The following LRRC8D variants were observed in gnomAD, a reference collection of about 807,000 sequenced individuals.
LRRC8D encodes volume-regulated anion channel subunit LRRC8D.
A neutral mutation model predicts 55.8 loss-of-function variants in LRRC8D; 20 were observed. The ratio of observed to expected loss-of-function variants is 0.36; its 90% CI spans 0.25 to 0.52. The LOEUF (loss-of-function observed/expected upper bound fraction) is 0.52, where lower values mean the gene tolerates loss of function less well. LRRC8D is among the 20% of genes least tolerant of loss of function. The probability of loss-of-function intolerance (pLI) is 0.93; values close to 1 mark genes in which losing one functional copy is unlikely to be tolerated. For missense variants in LRRC8D, 651 were observed against 1,030.8 expected (o/e 0.63, Z 5.05); for synonymous variants, 352 against 377.0 (o/e 0.93, Z 0.77).
At chr1:89,849,859 G>A (rs1661368193) in intron 2 of LRRC8D, among the ~76,000 whole-genome samples, 1 of 152,062 alleles carries the variant, frequency 6.6e-6, no homozygotes, top group Admixed American at 6.6e-5. Context: ...GTGCCTTTCA[G>A]TAATAGCAAC....
chr1:89,843,524 G>T, intron 1 of LRRC8D, 114 bp from the exon 2 acceptor site: 1 of 637,988 alleles, frequency 1.6e-6, no homozygotes, highest in Non-Finnish European at 2.9e-6. Context: ...CACCATGGCA[G>T]TTATGCAAGC....
intron 1 of LRRC8D, among the ~76,000 whole-genome samples, chr1:89,824,611 A>T (rs749388883): frequency 6.6e-6 from 1 of 151,782 alleles, no homozygotes; most frequent in African/African-American, 2.4e-5. Context: ...TTTTTTTCCA[A>T]TGATTTTCTT....
chr1:89,930,122 G>A (rs1663666237), intron 2 of LRRC8D, among the ~76,000 whole-genome samples: 2 of 152,150 alleles, frequency 1.3e-5, no homozygotes, highest in Non-Finnish European at 2.9e-5. Context: ...AAACTTGTCT[G>A]TGGTGCCAAA....
intron 2 of LRRC8D, among the ~76,000 whole-genome samples, chr1:89,915,808 G>A (rs1327447756): frequency 5.3e-5 from 8 of 152,150 alleles, no homozygotes. Context: ...TTTCAAAAAT[G>A]TTATCTTGGG....
chr1:89,935,603 AT>A lies in LRRC8D; in HGVS notation c.2537del (p.Leu846Ter). The A allele has an allele frequency of 6.2e-7, 1 of 1,614,128 alleles. No individual in the cohort carries two copies. ...CCCTGCCACTCGAAGTCAAAGAGGCATTGAATCAAGACATAAATATTCCCTT... is the reference window on the plus strand; with the variant it reads ...CCCTGCCACTCGAAGTCAAAGAGGCATGAATCAAGACATAAATATTCCCTT... ...DTLPLEVKEA[L>X]NQDINIPFAN... On this transcript the variant is annotated frameshift_variant, in exon 3 of 3. Coordinates refer to ENST00000337338, the MANE Select transcript of LRRC8D (RefSeq NM_001134479.2). LOFTEE classifies it high-confidence loss of function.
intron 1 of LRRC8D, among the ~76,000 whole-genome samples, chr1:89,839,346 T>C (rs1557443854): frequency 6.6e-6 from 1 of 152,164 alleles, no homozygotes. Flanking sequence ...GCACTGAGCT[T>C]AGAGAGATAC....
chr1:89,843,022 G>T (rs1661173997), intron 1 of LRRC8D: 1 of 152,262 alleles, frequency 6.6e-6, no homozygotes, highest in Non-Finnish European at 1.5e-5. Flanking sequence ...TGGCTGCTCT[G>T]TGTTGGCAGC....
intron 2 of LRRC8D, among the ~76,000 whole-genome samples, chr1:89,927,280 G>A (rs978858013): frequency 6.6e-6 from 1 of 152,234 alleles, no homozygotes; most frequent in African/African-American, 2.4e-5. Flanking sequence ...CTGTTTCTGC[G>A]GCAGCTTCTT....
chr1:89,829,627 T>G (rs985642392), intron 1 of LRRC8D, among the ~76,000 whole-genome samples: 3 of 152,212 alleles, frequency 2.0e-5, no homozygotes, highest in Non-Finnish European at 4.4e-5. Context: ...GGTTTTGAGG[T>G]GTAAAGGTAC....
intron 1 of LRRC8D, among the ~76,000 whole-genome samples, chr1:89,835,138 C>T (rs1388550476): frequency 1.3e-5 from 2 of 152,164 alleles, no homozygotes; most frequent in East Asian, 1.9e-4. Flanking sequence ...GAGCACCCCT[C>T]CACCCCCATG....
At chr1:89,860,033 A>G (rs536116785) in intron 2 of LRRC8D, among the ~76,000 whole-genome samples, 19 of 152,354 alleles carry the variant, frequency 1.2e-4, no homozygotes, top group Non-Finnish European at 2.1e-4. Context: ...CAGAATATCT[A>G]TTTGCCAAGT....
chr1:89,850,724 T>C (rs1284358725), intron 2 of LRRC8D, among the ~76,000 whole-genome samples: 1 of 152,254 alleles, frequency 6.6e-6, no homozygotes, highest in African/African-American at 2.4e-5. Flanking sequence ...CTCCATTTCT[T>C]TACTATTGGA....
intron 2 of LRRC8D, among the ~76,000 whole-genome samples, chr1:89,910,041 G>T (rs537927783): frequency 1.3e-5 from 2 of 152,196 alleles, no homozygotes; most frequent in East Asian, 3.9e-4. Flanking sequence ...GAACCAGTAG[G>T]CCTAAGTGAG....
chr1:89,868,472 G>A (rs1661908757), intron 2 of LRRC8D, among the ~76,000 whole-genome samples: 1 of 152,158 alleles, frequency 6.6e-6, no homozygotes, highest in Admixed American at 6.5e-5. Flanking sequence ...AAAGGTATAT[G>A]TGAATTCCAT....
intron 1 of LRRC8D, among the ~76,000 whole-genome samples, chr1:89,831,519 C>T (rs1232526495): frequency 1.3e-5 from 2 of 151,902 alleles, no homozygotes; most frequent in East Asian, 3.9e-4. Flanking sequence ...GTAAAGAGAT[C>T]ATCTACCCCA....
chr1:89,830,315 G>A (rs1660857403), intron 1 of LRRC8D, among the ~76,000 whole-genome samples: 1 of 152,214 alleles, frequency 6.6e-6, no homozygotes, highest in African/African-American at 2.4e-5. Context: ...TATACATCTT[G>A]CACAAAACAC....
chr1:89,896,452 C>T (rs2100895843), intron 2 of LRRC8D, among the ~76,000 whole-genome samples: 1 of 152,274 alleles, frequency 6.6e-6, no homozygotes, highest in South Asian at 2.1e-4. Context: ...TGACTCCCAG[C>T]ACACTTTACA....
rs141280440 is a variant in LRRC8D, at chr1:89,848,963, G to T, written c.-3+5181G>T. On this transcript the variant is annotated intron_variant, in intron 2 of 2. Transcript: ENST00000337338. ...TCTGCCCGCCTCTGCCTCCCAAAGTGCTGGGATTACACGCATGAGCCACCG... is the reference window on the plus strand; with the variant it reads ...TCTGCCCGCCTCTGCCTCCCAAAGTTCTGGGATTACACGCATGAGCCACCG... Among the ~76,000 whole-genome samples the T allele has an allele frequency of 5.8e-3, 883 of 152,230 alleles. 9 individuals carry two copies. Among genetic ancestry groups the T allele is most frequent in the South Asian group, 0.019 (92 of 4,820 alleles).
chr1:89,899,077 A>G (rs555069291), intron 2 of LRRC8D, among the ~76,000 whole-genome samples: 3 of 152,358 alleles, frequency 2.0e-5, no homozygotes, highest in African/African-American at 7.2e-5. Flanking sequence ...CAGGCCTTTC[A>G]TTCTGGCTGC....
Sources: gnomAD v4.1 joint callset for allele counts (sites outside exome capture counted in the v4.1 genomes callset) on GRCh38, gnomAD v4.1.1 for gene constraint, MANE v1.5 for transcripts, NCBI Gene and HGNC (gene_info 2026-07-23, HGNC 2026-07-21) for gene names.